DYNLRB1: variants seen among roughly 807,000 people sequenced by gnomAD.
The protein encoded by DYNLRB1 is ROBL/LC7-like 1.
In DYNLRB1, 6 loss-of-function variants were observed where a neutral mutation model predicts 13.5. The observed-to-expected ratio is 0.44, with a 90% CI of 0.24 to 0.88. The LOEUF (loss-of-function observed/expected upper bound fraction) is 0.88. Ranked by LOEUF, DYNLRB1 falls within the 40% of genes least tolerant of loss-of-function variation. The probability of loss-of-function intolerance (pLI) is 0.21; values close to 1 mark genes in which losing one functional copy is unlikely to be tolerated. For missense variants in DYNLRB1, 93 were observed against 127.2 expected (o/e 0.73, Z 1.29); for synonymous variants, 43 against 45.0 (o/e 0.96, Z 0.18).
chr20:34,538,329 C>T (rs1981329463), intron 3 of DYNLRB1, among the ~76,000 whole-genome samples: 2 of 150,492 alleles, frequency 1.3e-5, no homozygotes, highest in East Asian at 2.0e-4. Flanking sequence ...CCCAGCTACT[C>T]GGGAGGCTGA....
intron 1 of DYNLRB1, among the ~76,000 whole-genome samples, chr20:34,522,025 C>A (rs1979761628): frequency 6.6e-6 from 1 of 151,768 alleles, no homozygotes; most frequent in Non-Finnish European, 1.5e-5. Flanking sequence ...CAGAGTGAGA[C>A]CCTATCTCAA....
chr20:34,529,674 A>G (rs909080805), intron 2 of DYNLRB1, among the ~76,000 whole-genome samples: 3 of 151,094 alleles, frequency 2.0e-5, no homozygotes, highest in African/African-American at 7.3e-5. Flanking sequence ...GGTTGCAATG[A>G]GCCGAGATCA....
At position 34,525,838 on chromosome 20, in the gene DYNLRB1, C is replaced by T. The variant is rs116489001; in HGVS notation, c.4-430C>T. Among the ~76,000 whole-genome samples the T allele has an allele frequency of 1.0e-3, 153 of 152,292 alleles. 1 individual carries two copies. Among genetic ancestry groups the T allele is most frequent in the African/African-American group, 3.5e-3 (146 of 41,558 alleles). On this transcript the variant is annotated intron_variant, in intron 1 of 3. Transcript: ENST00000357156. ...GCCTGCCGCAGTCACTGAGTCTATC[C>T]TCATGTGCTGTTTGGGCCACAAATG...
intron 2 of DYNLRB1, 138 bp downstream of exon 2, chr20:34,526,481 TGTTC>T: frequency 1.8e-6 from 1 of 546,554 alleles, no homozygotes; most frequent in Non-Finnish European, 3.0e-6. Context: ...ACACCTCCAG[TGTTC>T]TTTTTTTTTT....
At chr20:34,534,495 A>T in intron 2 of DYNLRB1, 133 bp from the exon 3 acceptor site, 1 of 1,152,340 alleles carries the variant, frequency 8.7e-7, no homozygotes, top group Non-Finnish European at 1.2e-6. Flanking sequence ...CATGCCTGTC[A>T]CATAGCAAGC....
intron 1 of DYNLRB1, among the ~76,000 whole-genome samples, chr20:34,521,998 A>G (rs919764602): frequency 5.3e-5 from 8 of 152,032 alleles, no homozygotes. Context: ...TGATCGAACC[A>G]TGGCACGCCT....
chr20:34,522,475 T>C (rs971015632), intron 1 of DYNLRB1, among the ~76,000 whole-genome samples: 18 of 134,854 alleles, frequency 1.3e-4, no homozygotes, highest in East Asian at 4.1e-4. Context: ...TTTTCTTTTT[T>C]TTTTTTTTTT....
At chr20:34,518,527 A>G (rs1979447523) in intron 1 of DYNLRB1, among the ~76,000 whole-genome samples, 1 of 151,646 alleles carries the variant, frequency 6.6e-6, no homozygotes, top group Non-Finnish European at 1.5e-5. Flanking sequence ...TTTTCTTGCA[A>G]ACTTGACCCT....
At chr20:34,516,574 C>CTGGGCG in intron 1 of DYNLRB1, 113 bp downstream of exon 1, 1 of 1,554,384 alleles carries the variant, frequency 6.4e-7, no homozygotes, top group South Asian at 1.2e-5. Flanking sequence ...TCGGTGGTGG[C>CTGGGCG]TGGGCGTGGC....
At chr20:34,525,289 A>G (rs1313307275) in intron 1 of DYNLRB1, among the ~76,000 whole-genome samples, 1 of 152,160 alleles carries the variant, frequency 6.6e-6, no homozygotes, top group Non-Finnish European at 1.5e-5. Flanking sequence ...CCGCCTGAGA[A>G]CAGGTATACC....
chr20:34,534,748 C>T lies in DYNLRB1; in HGVS notation c.200C>T (p.Thr67Ile), dbSNP rs779424360. 3 of 1,614,026 alleles carry T rather than the reference C, an allele frequency of 1.9e-6. No individual in the cohort carries two copies. Among genetic ancestry groups the T allele is most frequent in the Admixed American group, 3.3e-5 (2 of 60,008 alleles). The change falls in exon 3 of 4, where the codon ACC becomes ATC. Residue 67 changes from threonine (T) to isoleucine (I), a missense_variant. Physicochemically the swap from Thr to Ile is moderately conservative, Grantham distance 89. Coordinates refer to ENST00000357156, the MANE Select transcript of DYNLRB1 (RefSeq NM_014183.4). Reference protein sequence around the residue: ...VRDIDPQNDLTFLRIRSKKNE... With the variant: ...VRDIDPQNDLIFLRIRSKKNE... ...GACATCGACCCCCAGAACGATCTCA[C>T]CTTCCTTCGAATTCGCTCCAAGAAA... is the stretch of plus-strand genomic sequence containing the variant.
intron 1 of DYNLRB1, chr20:34,516,856 GCCT>G (rs1478025234): frequency 6.5e-7 from 1 of 1,539,966 alleles, no homozygotes. Context: ...TATTTCCTCC[GCCT>G]CCTCCCAGCT....
chr20:34,518,870 C>T (rs1215059746), intron 1 of DYNLRB1, among the ~76,000 whole-genome samples: 1 of 151,864 alleles, frequency 6.6e-6, no homozygotes, highest in African/African-American at 2.4e-5. Context: ...AAAAGCAATG[C>T]AAATTTAGAT....
intron 2 of DYNLRB1, 142 bp downstream of exon 2, chr20:34,526,485 CTTTTT>C (rs386393667): frequency 7.6e-4 from 180 of 237,732 alleles, no homozygotes; most frequent in South Asian, 1.3e-3. Context: ...CTCCAGTGTT[CTTTTT>C]TTTTTTTTTT....
At chr20:34,528,117 C>T (rs1479207526) in intron 2 of DYNLRB1, among the ~76,000 whole-genome samples, 1 of 50,636 alleles carries the variant, frequency 2.0e-5, no homozygotes, top group Admixed American at 1.4e-4. Flanking sequence ...TCGAGACCAT[C>T]CCGGCTAAAA....
At chr20:34,516,578 G>A in intron 1 of DYNLRB1, 117 bp downstream of exon 1, 2 of 1,549,024 alleles carry the variant, frequency 1.3e-6, no homozygotes, top group Non-Finnish European at 1.7e-6. Flanking sequence ...TGGTGGCTGG[G>A]CGTGGCCGGG....
At chr20:34,523,650 T>A (rs1979939715) in intron 1 of DYNLRB1, among the ~76,000 whole-genome samples, 2 of 152,230 alleles carry the variant, frequency 1.3e-5, no homozygotes, top group Non-Finnish European at 2.9e-5. Flanking sequence ...TCTCTGATGA[T>A]GTATTTCACA....
chr20:34,520,862 G>C (rs772301266), intron 1 of DYNLRB1, among the ~76,000 whole-genome samples: 3 of 152,138 alleles, frequency 2.0e-5, no homozygotes, highest in Non-Finnish European at 4.4e-5. Flanking sequence ...AAATTCTTAG[G>C]AAAATAATTT....
chr20:34,526,568 G>A (rs1980243032), intron 2 of DYNLRB1: 3 of 521,818 alleles, frequency 5.7e-6, no homozygotes, highest in Admixed American at 7.1e-5. Flanking sequence ...TCGGTAACTG[G>A]TTGTGAGCAA....
Sources: gnomAD v4.1 joint callset for allele counts (sites outside exome capture counted in the v4.1 genomes callset) on GRCh38, gnomAD v4.1.1 for gene constraint, MANE v1.5 for transcripts, NCBI Gene and HGNC (gene_info 2026-07-23, HGNC 2026-07-21) for gene names.